The following ST8SIA1 variants were observed in gnomAD, a reference collection of about 807,000 sequenced individuals.
The protein encoded by ST8SIA1 is alpha-N-acetylneuraminide alpha-2,8-sialyltransferase.
ST8SIA1 carries 16 observed loss-of-function variants against 35.9 expected under a neutral mutation model. That is an observed-to-expected ratio of 0.45 (90% CI 0.30 to 0.68). The LOEUF (loss-of-function observed/expected upper bound fraction) is 0.68. Ranked by LOEUF, ST8SIA1 falls within the 30% of genes least tolerant of loss-of-function variation. ST8SIA1 has a pLI of 0.09. For synonymous variants in ST8SIA1, 170 were observed against 169.6 expected, an observed-to-expected ratio of 1.00 and a Z score of -0.02; for missense variants, 383 against 453.6, an observed-to-expected ratio of 0.84 and a Z score of 1.41.
At chr12:22,295,504 G>A (rs752716157) in intron 1 of ST8SIA1, among the ~76,000 whole-genome samples, 4 of 152,136 alleles carry the variant, frequency 2.6e-5, no homozygotes, top group South Asian at 2.1e-4. Flanking sequence ...AAGCCAAGGC[G>A]GGAAGACAGC....
At chr12:22,215,348 C>T (rs1174429163) in intron 4 of ST8SIA1, among the ~76,000 whole-genome samples, 1 of 152,182 alleles carries the variant, frequency 6.6e-6, no homozygotes, top group African/African-American at 2.4e-5. Flanking sequence ...GAGTACCTAT[C>T]ATGTACCAGG....
chr12:22,258,102 C>G (rs1865747441), intron 2 of ST8SIA1, among the ~76,000 whole-genome samples: 1 of 151,878 alleles, frequency 6.6e-6, no homozygotes, highest in Admixed American at 6.6e-5. Flanking sequence ...GGAGAAAGAG[C>G]TGCCTGGATT....
intron 1 of ST8SIA1, chr12:22,325,823 G>A: frequency 1.4e-6 from 1 of 700,654 alleles, no homozygotes; most frequent in Non-Finnish European, 2.6e-6. Flanking sequence ...TGCATTTTGG[G>A]GCCACTGGTA....
At chr12:22,293,263 C>T (rs1418664392) in intron 1 of ST8SIA1, among the ~76,000 whole-genome samples, 1 of 152,186 alleles carries the variant, frequency 6.6e-6, no homozygotes, top group Non-Finnish European at 1.5e-5. Flanking sequence ...AATAATCCAC[C>T]AGTGGATGGT....
At chr12:22,307,141 C>T (rs1866395337) in intron 1 of ST8SIA1, among the ~76,000 whole-genome samples, 1 of 151,948 alleles carries the variant, frequency 6.6e-6, no homozygotes. Flanking sequence ...GAGAGGCTTT[C>T]TAGAAATATT....
chr12:22,201,448 AG>A lies in ST8SIA1; in HGVS notation c.*103del. 8.4e-6 allele frequency: 12 copies of A among 1,429,750 alleles called. No individual in the cohort carries two copies. The highest frequency in any genetic ancestry group is 1.1e-5 in the Non-Finnish European group (12 of 1,068,902). The allele number at this position is 1,429,750 out of a possible 1,614,324, so 88.6% of individuals were successfully genotyped here. The stretch of plus-strand genomic sequence containing the variant: ...TCATTGCTCCTTTCCTGTTTTTCCA[AG>A]GGCCCATGCAAACTCATGAAACAAC... On this transcript the variant is annotated 3_prime_UTR_variant, in exon 5 of 5. Coordinates refer to ENST00000396037, the MANE Select transcript of ST8SIA1 (RefSeq NM_003034.4).
At chr12:22,224,172 A>G (rs1865330706) in intron 4 of ST8SIA1, among the ~76,000 whole-genome samples, 1 of 152,072 alleles carries the variant, frequency 6.6e-6, no homozygotes, top group African/African-American at 2.4e-5. Context: ...ATTTATTAAT[A>G]TGACTGAATA....
At chr12:22,299,927 C>T (rs1435826373) in intron 1 of ST8SIA1, among the ~76,000 whole-genome samples, 2 of 152,092 alleles carry the variant, frequency 1.3e-5, no homozygotes, top group Non-Finnish European at 2.9e-5. Flanking sequence ...GAAATGATTT[C>T]TTCCAACATA....
intron 1 of ST8SIA1, among the ~76,000 whole-genome samples, chr12:22,305,546 A>ATT (rs1000609248): frequency 1.3e-5 from 2 of 151,788 alleles, no homozygotes; most frequent in Non-Finnish European, 2.9e-5. Context: ...ATGCCCAGAT[A>ATT]ATTTTTGTAT....
intron 3 of ST8SIA1, among the ~76,000 whole-genome samples, chr12:22,251,928 A>G (rs956598084): frequency 6.6e-6 from 1 of 152,242 alleles, no homozygotes; most frequent in Non-Finnish European, 1.5e-5. Flanking sequence ...ACATTTGAGC[A>G]TAATTCAAAA....
chr12:22,256,240 C>G (rs906282971), intron 2 of ST8SIA1, among the ~76,000 whole-genome samples: 1 of 152,168 alleles, frequency 6.6e-6, no homozygotes, highest in Non-Finnish European at 1.5e-5. Flanking sequence ...TAGAACCACA[C>G]AGCATGTGAC....
chr12:22,295,671 G>A (rs912355928), intron 1 of ST8SIA1, among the ~76,000 whole-genome samples: 1 of 152,148 alleles, frequency 6.6e-6, no homozygotes, highest in African/African-American at 2.4e-5. Context: ...GTTCAAGGTT[G>A]CAGTAAGCCA....
In ST8SIA1 at chr12:22,201,658, T is replaced by C; in HGVS notation, c.965A>G (p.His322Arg). The C allele has an allele frequency of 6.2e-7, 1 of 1,614,150 alleles. No homozygotes were observed. The highest frequency in any genetic ancestry group is 8.5e-7 in the Non-Finnish European group (1 of 1,179,984). ...YDNVLPFSGF[H>R]AMPEEFLQLW... ...TTGGAGAAATTCCTCGGGCATGGCA[T>C]GGAAGCCAGAAAAGGGTAAGACGTT... Residue 322 changes from histidine to arginine, a missense_variant, in exon 5 of 5, where the codon CAT becomes CGT. Transcript: ENST00000396037.
chr12:22,308,147 G>T (rs1282741459), intron 1 of ST8SIA1, among the ~76,000 whole-genome samples: 1 of 152,058 alleles, frequency 6.6e-6, no homozygotes. Context: ...AAATATTAGG[G>T]CATGTGGGAA....
At chr12:22,204,518 C>CA (rs1295879059) in intron 4 of ST8SIA1, among the ~76,000 whole-genome samples, 1 of 152,098 alleles carries the variant, frequency 6.6e-6, no homozygotes, top group Admixed American at 6.6e-5. Flanking sequence ...GAATGGCTCC[C>CA]ATTTCACAGG....
intron 2 of ST8SIA1, among the ~76,000 whole-genome samples, chr12:22,281,834 A>AT (rs1866039563): frequency 6.6e-6 from 1 of 151,084 alleles, no homozygotes; most frequent in African/African-American, 2.4e-5. Context: ...AAAAAAAAAA[A>AT]AATACAATAA....
intron 2 of ST8SIA1, among the ~76,000 whole-genome samples, chr12:22,259,353 T>C (rs1865761080): frequency 6.6e-6 from 1 of 152,350 alleles, no homozygotes; most frequent in South Asian, 2.1e-4. Flanking sequence ...TTTCAATAAA[T>C]ATTTCCTGAG....
chr12:22,213,538 T>C (rs1205013299), intron 4 of ST8SIA1, among the ~76,000 whole-genome samples: 1 of 152,148 alleles, frequency 6.6e-6, no homozygotes, highest in Non-Finnish European at 1.5e-5. Flanking sequence ...AAAGTAGCTA[T>C]GCAAACGGAG....
At chr12:22,210,322 C>A (rs1430274122) in intron 4 of ST8SIA1, among the ~76,000 whole-genome samples, 1 of 152,060 alleles carries the variant, frequency 6.6e-6, no homozygotes, top group Non-Finnish European at 1.5e-5. Flanking sequence ...AAAATGGTTA[C>A]CTCCAGGGAT....
Sources: allele counts gnomAD v4.1 joint callset (sites outside exome capture counted in the v4.1 genomes callset), GRCh38; gene constraint gnomAD v4.1.1; transcripts MANE v1.5; gene names NCBI Gene and HGNC (gene_info 2026-07-23, HGNC 2026-07-21).